Variants in BEND7 observed in about 807,000 individuals in gnomAD.
BEND7 encodes the protein BEN domain containing 7.
A neutral mutation model predicts 50.9 loss-of-function variants in BEND7; 28 were observed. That is an observed-to-expected ratio of 0.55 (90% CI 0.41 to 0.75). The LOEUF (loss-of-function observed/expected upper bound fraction) is 0.75, where lower values mean the gene tolerates loss of function less well. Among genes scored for constraint, BEND7 ranks in the 30% least tolerant of loss-of-function variants. The pLI is 0.00. For synonymous variants in BEND7, 170 were observed against 183.9 expected, an observed-to-expected ratio of 0.92 and a Z score of 0.61; for missense variants, 477 against 491.3, an observed-to-expected ratio of 0.97 and a Z score of 0.28.
At chr10:13,463,769 T>C (rs1006238736) in intron 6 of BEND7, among the ~76,000 whole-genome samples, 1 of 152,190 alleles carries the variant, frequency 6.6e-6, no homozygotes, top group African/African-American at 2.4e-5. Flanking sequence ...TAAAAGACAT[T>C]GTAGGCAACG....
At chr10:13,499,628 CCTTT>C in intron 3 of BEND7, 146 bp downstream of exon 3, 3 of 952,036 alleles carry the variant, frequency 3.2e-6, no homozygotes, top group Non-Finnish European at 4.5e-6. Flanking sequence ...TCAACTCTTT[CCTTT>C]GTGTCTCCCT....
At chr10:13,506,859 T>C (rs2077933369) in intron 2 of BEND7, among the ~76,000 whole-genome samples, 1 of 151,956 alleles carries the variant, frequency 6.6e-6, no homozygotes, top group Non-Finnish European at 1.5e-5. Flanking sequence ...CCATGAATGA[T>C]AACCCCAAGG....
chr10:13,447,820 T>C (rs1001841194), intron 7 of BEND7, among the ~76,000 whole-genome samples: 1 of 152,214 alleles, frequency 6.6e-6, no homozygotes, highest in Non-Finnish European at 1.5e-5. Context: ...CCTCATTCTA[T>C]TGATCACTGA....
At chr10:13,488,534 C>A (rs891599242) in intron 5 of BEND7, among the ~76,000 whole-genome samples, 3 of 152,124 alleles carry the variant, frequency 2.0e-5, no homozygotes, top group Admixed American at 6.6e-5. Context: ...TGTCGCCAGG[C>A]TGGAGTGCAG....
intron 1 of BEND7, among the ~76,000 whole-genome samples, chr10:13,526,940 C>T (rs11258436): frequency 0.5 from 76,794 of 152,080 alleles, 20,918 homozygotes; most frequent in East Asian, 0.87. Flanking sequence ...ACAAGCTTCT[C>T]TATGGAGGCT....
chr10:13,484,157 G>A (rs1419612228), intron 5 of BEND7, among the ~76,000 whole-genome samples: 6 of 152,304 alleles, frequency 3.9e-5, no homozygotes, highest in East Asian at 3.9e-4. Context: ...GGCAGCCGGG[G>A]CACAGGTGAC....
At chr10:13,515,008 G>C (rs2078561402) in intron 2 of BEND7, among the ~76,000 whole-genome samples, 1 of 152,120 alleles carries the variant, frequency 6.6e-6, no homozygotes, top group Admixed American at 6.5e-5. Context: ...AATTGTTAAG[G>C]ATATTATTCC....
At chr10:13,439,262 A>C, downstream of BEND7, 1 of 1,614,198 alleles carries the variant, frequency 6.2e-7, no homozygotes, top group Non-Finnish European at 8.5e-7. Flanking sequence ...GATGAAGTGT[A>C]GCTGAGACCT....
upstream of BEND7, among the ~76,000 whole-genome samples, chr10:13,529,544 C>G (rs931364186): frequency 6.6e-6 from 1 of 152,088 alleles, no homozygotes; most frequent in East Asian, 1.9e-4. Context: ...TGGAAAGAGC[C>G]GAGTCACATT....
At chr10:13,476,629 C>A (rs972685562) in intron 6 of BEND7, among the ~76,000 whole-genome samples, 1 of 152,198 alleles carries the variant, frequency 6.6e-6, no homozygotes, top group Admixed American at 6.5e-5. Context: ...CATATTTAGA[C>A]AACTCTAACC....
rs74122777 is a variant in BEND7, at chr10:13,503,268, C to T, written c.146-3188G>A. On this transcript the variant is annotated intron_variant, in intron 2 of 8. Coordinates refer to ENST00000466271, the MANE Select transcript of BEND7 (RefSeq NM_001369863.1). The stretch of plus-strand genomic sequence containing the variant: ...CATGTCTCCCAAAGGCAAAACAAAA[C>T]GAAACAAATACACAAAAAATCAGGA... Among the ~76,000 whole-genome samples the T allele has an allele frequency of 1.8e-3, 274 of 152,166 alleles. 1 individual carries two copies. Among genetic ancestry groups the T allele is most frequent in the African/African-American group, 6.3e-3 (262 of 41,514 alleles).
chr10:13,473,182 T>A (rs974883650), intron 6 of BEND7, among the ~76,000 whole-genome samples: 1 of 152,130 alleles, frequency 6.6e-6, no homozygotes, highest in Admixed American at 6.5e-5. Flanking sequence ...ACCAATATCA[T>A]CATCGCTGTT....
At chr10:13,484,099 C>T (rs1407675159) in intron 5 of BEND7, among the ~76,000 whole-genome samples, 1 of 152,204 alleles carries the variant, frequency 6.6e-6, no homozygotes, top group Non-Finnish European at 1.5e-5. Context: ...TTTGCAAGCA[C>T]CTTACAAAGG....
rs185200160 is a variant in BEND7 at position 13,513,278 on chromosome 10, G to A, written c.145+12860C>T. ...GGACGCTGGCCTAGGCAGTCTTCTC[G>A]TCCTCCATGCTCTTCCTGGATTCAC... On this transcript the variant is annotated intron_variant, in intron 2 of 8. Transcript: ENST00000466271. 5.3e-4 allele frequency among the ~76,000 whole-genome samples: 81 copies of A among 152,128 alleles called. No homozygotes were observed. In the East Asian group the frequency reaches 0.013, roughly 24 times the overall value.
At chr10:13,505,070 A>T (rs1238787245) in intron 2 of BEND7, among the ~76,000 whole-genome samples, 1 of 152,254 alleles carries the variant, frequency 6.6e-6, no homozygotes, top group African/African-American at 2.4e-5. Flanking sequence ...AAACTGAGAG[A>T]GAGTGCAGCG....
chr10:13,505,019 C>T (rs1001027845), intron 2 of BEND7, among the ~76,000 whole-genome samples: 4 of 152,226 alleles, frequency 2.6e-5, no homozygotes, highest in East Asian at 1.9e-4. Flanking sequence ...ACGTGGAACA[C>T]GATTATTCAC....
chr10:13,468,380 C>G (rs2074465081), intron 6 of BEND7, among the ~76,000 whole-genome samples: 2 of 152,140 alleles, frequency 1.3e-5, no homozygotes, highest in Non-Finnish European at 1.5e-5. Flanking sequence ...CAGCATAACA[C>G]AGAGTCCACA....
chr10:13,447,218 G>A, intron 8 of BEND7, 48 bp downstream of exon 8: 1 of 1,590,102 alleles, frequency 6.3e-7, no homozygotes, highest in African/African-American at 1.3e-5. Flanking sequence ...TAGTTTTGTG[G>A]GCTGTATTTT....
At chr10:13,491,764 A>G (rs917102542) in intron 5 of BEND7, among the ~76,000 whole-genome samples, 2 of 152,132 alleles carry the variant, frequency 1.3e-5, no homozygotes, top group African/African-American at 2.4e-5. Flanking sequence ...TTTGTTTCCT[A>G]CTTAAAGTTT....
Sources: gnomAD v4.1 joint callset for allele counts (sites outside exome capture counted in the v4.1 genomes callset) on GRCh38, gnomAD v4.1.1 for gene constraint, MANE v1.5 for transcripts, NCBI Gene and HGNC (gene_info 2026-07-23, HGNC 2026-07-21) for gene names.